Variants in WDFY4 observed in about 807,000 individuals in gnomAD.
WDFY4 encodes WDFY family member 4, also known as WD repeat- and FYVE domain-containing protein 4.
Under a neutral mutation model 351.9 loss-of-function variants are expected in WDFY4, and 169 were observed. The observed-to-expected ratio is 0.48, with a 90% CI of 0.42 to 0.55. WDFY4 has a LOEUF of 0.55. Among genes scored for constraint, WDFY4 ranks in the 20% least tolerant of loss-of-function variants. WDFY4 has a pLI of 0.00. For missense variants in WDFY4, 3,803 were observed against 3,935.6 expected (o/e 0.97, Z 0.90); for synonymous variants, 1,622 against 1,574.6 (o/e 1.03, Z -0.71).
rs553666644 is a variant in WDFY4, at chr10:48,963,055, A to G, written c.8224-787A>G. Among the ~76,000 whole-genome samples the G allele has an allele frequency of 2.0e-5, 3 of 152,292 alleles. No homozygotes were observed. The South Asian group carries it at 6.2e-4, about 32-fold the overall frequency. ...TGAGTGAAGTGAGATCTGCTCAGTG[A>G]GACTGGATGCCCCCTGTGAGGTTCT... On this transcript the variant is annotated intron_variant, in intron 53 of 61. Coordinates refer to ENST00000325239, the MANE Select transcript of WDFY4 (RefSeq NM_001394531.1).
intron 52 of WDFY4, 104 bp downstream of exon 52, chr10:48,957,386 C>G: frequency 7.1e-7 from 1 of 1,399,016 alleles, no homozygotes; most frequent in Non-Finnish European, 9.7e-7. Flanking sequence ...CTAGGCCCTC[C>G]CCAGGACCTC....
intron 1 of WDFY4, among the ~76,000 whole-genome samples, chr10:48,706,255 C>A (rs535457937): frequency 4.6e-5 from 7 of 152,298 alleles, no homozygotes; most frequent in Admixed American, 4.6e-4. Context: ...TCTGTGCCAG[C>A]CCCTGCTATG....
intron 51 of WDFY4, among the ~76,000 whole-genome samples, chr10:48,948,349 C>A (rs1841157932): frequency 6.6e-6 from 1 of 152,188 alleles, no homozygotes; most frequent in Non-Finnish European, 1.5e-5. Context: ...TGCCAGGAAT[C>A]CCATCCAGAT....
chr10:48,799,562 C>T (rs1275630460), intron 24 of WDFY4, among the ~76,000 whole-genome samples: 1 of 152,144 alleles, frequency 6.6e-6, no homozygotes, highest in Non-Finnish European at 1.5e-5. Flanking sequence ...ATCGTGAGGT[C>T]AGGGGTTCGG....
chr10:48,905,898 A>G (rs1183405778), intron 47 of WDFY4, among the ~76,000 whole-genome samples: 1 of 152,250 alleles, frequency 6.6e-6, no homozygotes, highest in Non-Finnish European at 1.5e-5. Flanking sequence ...AGAATTGATT[A>G]AAAGCAGGTG....
At chr10:48,935,378 C>A (rs559704434) in intron 47 of WDFY4, among the ~76,000 whole-genome samples, 3 of 152,222 alleles carry the variant, frequency 2.0e-5, no homozygotes, top group African/African-American at 7.2e-5. Flanking sequence ...GGGCTCACCC[C>A]CTGTGATTCC....
At chr10:48,751,207 A>G (rs2132465257) in intron 12 of WDFY4, among the ~76,000 whole-genome samples, 1 of 152,320 alleles carries the variant, frequency 6.6e-6, no homozygotes, top group East Asian at 1.9e-4. Flanking sequence ...AAGTCTGGGG[A>G]GGAGGTCAGC....
intron 11 of WDFY4, among the ~76,000 whole-genome samples, chr10:48,740,677 G>A (rs549260873): frequency 7.9e-5 from 12 of 152,330 alleles, no homozygotes; most frequent in South Asian, 4.1e-4. Context: ...ATCCTCACTC[G>A]GGAGGAGAAA....
chr10:48,708,029 T>C (rs1008626840), intron 1 of WDFY4, among the ~76,000 whole-genome samples: 1 of 152,138 alleles, frequency 6.6e-6, no homozygotes, highest in Non-Finnish European at 1.5e-5. Flanking sequence ...AATATTATGA[T>C]CGTGTTCTTA....
At chr10:48,837,276 C>T (rs919470752) in intron 39 of WDFY4, among the ~76,000 whole-genome samples, 9 of 151,694 alleles carry the variant, frequency 5.9e-5, no homozygotes, top group Non-Finnish European at 1.2e-4. Context: ...GAGGAGAGCT[C>T]TCGGGCAGGG....
At position 48,804,660 on chromosome 10, in the gene WDFY4, C is replaced by T. The variant is rs2067195431; in HGVS notation, c.4485-600C>T. On this transcript the variant is annotated intron_variant, in intron 25 of 61. Coordinates refer to ENST00000325239, the MANE Select transcript of WDFY4 (RefSeq NM_001394531.1). ...CCACCATTTTTTCTCTTCCACTTTC[C>T]ACTTTGTTCCTGTACCTGTACCAGT... The T allele has an allele frequency of 3.1e-6, 3 of 961,256 alleles. No individual in the cohort carries two copies. In the South Asian group the frequency reaches 1.4e-4, roughly 46 times the overall value. The allele number at this position is 961,256 out of a possible 1,614,324, so 59.5% of individuals were successfully genotyped here.
In WDFY4 at chr10:48,789,896, A is replaced by G; in HGVS notation, c.3977A>G (p.Asn1326Ser). The stretch of plus-strand genomic sequence containing the variant: ...TAGATGAACATTTCATCCCGTGACA[A>G]TGCCATGCCCGTGTTCTTGCTGAGG... ...AKEMNISSRD[N>S]AMPVFLLRNC... Residue 1326 changes from asparagine (N) to serine (S), a missense_variant, in exon 22 of 62, where the codon AAT becomes AGT. Around this residue, in one of 3 missense-constraint regions of WDFY4, gnomAD observed 3,054 missense variants for 3,148.6 expected, o/e 0.97. Transcript: ENST00000325239. The G allele has an allele frequency of 6.4e-7, 1 of 1,552,400 alleles. No homozygotes were observed. The highest frequency in any genetic ancestry group is 8.7e-7 in the Non-Finnish European group (1 of 1,147,136).
chr10:48,946,533 A>G (rs559255856), intron 50 of WDFY4, among the ~76,000 whole-genome samples: 6 of 152,392 alleles, frequency 3.9e-5, no homozygotes, highest in African/African-American at 1.2e-4. Flanking sequence ...TGTATATTAC[A>G]GTGGTCCATT....
chr10:48,965,905 C>T (rs1454090355), intron 54 of WDFY4, among the ~76,000 whole-genome samples: 1 of 151,480 alleles, frequency 6.6e-6, no homozygotes, highest in South Asian at 2.1e-4. Flanking sequence ...ATATAGAGTC[C>T]AGCAGCAAGG....
chr10:48,826,808 C>A lies in WDFY4; in HGVS notation c.6120C>A (p.Gly2040=). The A allele has an allele frequency of 1.3e-6, 2 of 1,551,922 alleles. No individual in the cohort carries two copies. The highest frequency in any genetic ancestry group is 1.7e-4 in the Middle Eastern group (1 of 5,992). Residue 2040 remains glycine (G), a synonymous_variant, in exon 36 of 62, where the codon GGC becomes GGA. Coordinates refer to ENST00000325239, the MANE Select transcript of WDFY4 (RefSeq NM_001394531.1). ...GCCTCGGCCTTCTCAGCATCCTGGG[C>A]TTTCTGCAGGAGCACTGGGATGTTG... ...SECLGLLSIL[G]FLQEHWDVVF...
chr10:48,844,818 G>A (rs1466004836), intron 39 of WDFY4, among the ~76,000 whole-genome samples: 2 of 152,214 alleles, frequency 1.3e-5, no homozygotes, highest in Non-Finnish European at 2.9e-5. Context: ...GAGTAAAACA[G>A]ATAAGGCTCC....
At chr10:48,722,910 T>C (rs1359228945) in intron 4 of WDFY4, among the ~76,000 whole-genome samples, 3 of 152,164 alleles carry the variant, frequency 2.0e-5, no homozygotes, top group Non-Finnish European at 1.5e-5. Flanking sequence ...TTGTCAGTCA[T>C]CACCTATTGC....
intron 47 of WDFY4, among the ~76,000 whole-genome samples, chr10:48,938,900 G>A (rs1270026015): frequency 6.6e-6 from 1 of 152,188 alleles, no homozygotes; most frequent in Non-Finnish European, 1.5e-5. Flanking sequence ...GGGTTGATGT[G>A]ATGTCCCCTG....
chr10:48,862,162 T>C (rs1440284784), intron 39 of WDFY4, among the ~76,000 whole-genome samples: 2 of 152,254 alleles, frequency 1.3e-5, no homozygotes, highest in African/African-American at 2.4e-5. Flanking sequence ...GTTATCTCAC[T>C]GTATGCATCT....
Sources: gnomAD v4.1 joint callset for allele counts (sites outside exome capture counted in the v4.1 genomes callset) on GRCh38, gnomAD v4.1.1 for gene constraint, gnomAD v4.1.1 regional missense constraint, MANE v1.5 for transcripts, NCBI Gene and HGNC (gene_info 2026-07-23, HGNC 2026-07-21) for gene names.